The following KIF6 variants were observed in gnomAD, a reference collection of about 807,000 sequenced individuals.
The protein encoded by KIF6 is kinesin family member 6.
Under a neutral mutation model 112.7 loss-of-function variants are expected in KIF6, and 106 were observed. The observed-to-expected ratio is 0.94, with a 90% confidence interval of 0.80 to 1.11. The LOEUF is 1.11. Ranked by LOEUF, KIF6 falls within the 50% of genes least tolerant of loss-of-function variation. KIF6 has a pLI of 0.00. For synonymous variants in KIF6, 339 were observed against 339.9 expected, an observed-to-expected ratio of 1.00 and a Z score of 0.03; for missense variants, 929 against 964.0, an observed-to-expected ratio of 0.96 and a Z score of 0.48.
intron 12 of KIF6, 98 bp downstream of exon 12, chr6:39,544,457 C>G: frequency 8.0e-7 from 1 of 1,249,078 alleles, no homozygotes; most frequent in Non-Finnish European, 1.1e-6. Context: ...GAAATGGAAG[C>G]TGGGTGGGGA....
rs1369173598 is a variant in KIF6 at position 39,540,183 on chromosome 6, C to T, written c.1465G>A (p.Ala489Thr). Reference sequence around the variant, plus strand: ...CCAGCCAAGTGGAGAGCCTCCTGAGCTTTCTTCTTTTCTTTTTTTAACATG... The same window carrying T: ...CCAGCCAAGTGGAGAGCCTCCTGAGTTTTCTTCTTTTCTTTTTTTAACATG... ...VNMLKKEKKK[A>T]QEALHLAGMD... Residue 489 changes from alanine (A) to threonine (T), a missense_variant, in exon 13 of 23, where the codon GCT becomes ACT. Coordinates refer to ENST00000287152, the MANE Select transcript of KIF6 (RefSeq NM_145027.6). 1 of 1,612,522 alleles carries T rather than the reference C, an allele frequency of 6.2e-7. No homozygotes were observed.
Position 39,699,603 on chromosome 6 carries a change from A to G in KIF6, c.251+15089T>C, listed in dbSNP as rs561584397. On this transcript the variant is annotated intron_variant, in intron 3 of 22. Coordinates refer to ENST00000287152, the MANE Select transcript of KIF6 (RefSeq NM_145027.6). ...TAAACTATTGTGGAGCCCAGTGCAC[A>G]ATGAAAATGCAGGGCCCCTTGTTGA... is the stretch of plus-strand genomic sequence containing the variant. Among the ~76,000 whole-genome samples the G allele has an allele frequency of 1.0e-3, 154 of 152,318 alleles. No individual in the cohort carries two copies. In the Middle Eastern group the frequency reaches 0.017, roughly 17 times the overall value.
chr6:39,394,663 C>G (rs1374156732), intron 15 of KIF6, among the ~76,000 whole-genome samples: 1 of 152,158 alleles, frequency 6.6e-6, no homozygotes, highest in Non-Finnish European at 1.5e-5. Flanking sequence ...GAGAAAGGTC[C>G]AGCAATGGAA....
chr6:39,628,859 C>T (rs944201129), intron 5 of KIF6, among the ~76,000 whole-genome samples: 17 of 152,080 alleles, frequency 1.1e-4, no homozygotes, highest in Non-Finnish European at 2.9e-5. Flanking sequence ...CAATCTCTGA[C>T]AATCACTGAT....
chr6:39,491,186 G>A (rs1775462967), intron 13 of KIF6, among the ~76,000 whole-genome samples: 1 of 152,218 alleles, frequency 6.6e-6, no homozygotes, highest in East Asian at 1.9e-4. Context: ...CTCCTGTCTT[G>A]TTAGCTGGAA....
chr6:39,395,032 C>T (rs892928360), intron 15 of KIF6, among the ~76,000 whole-genome samples: 1 of 152,224 alleles, frequency 6.6e-6, no homozygotes, highest in African/African-American at 2.4e-5. Context: ...CTTTTCAAGA[C>T]AGCTCCTTGC....
At chr6:39,513,662 G>A (rs1356979677) in intron 13 of KIF6, among the ~76,000 whole-genome samples, 2 of 152,152 alleles carry the variant, frequency 1.3e-5, no homozygotes, top group Non-Finnish European at 2.9e-5. Flanking sequence ...ATATATTTGT[G>A]TAGTTCTTAG....
chr6:39,368,212 G>A (rs1020517530), intron 16 of KIF6, among the ~76,000 whole-genome samples: 1 of 152,182 alleles, frequency 6.6e-6, no homozygotes, highest in Non-Finnish European at 1.5e-5. Context: ...GAAACTGCCT[G>A]CATCGGGCCC....
At chr6:39,722,867 A>C (rs1790299785) in intron 1 of KIF6, among the ~76,000 whole-genome samples, 1 of 152,220 alleles carries the variant, frequency 6.6e-6, no homozygotes, top group African/African-American at 2.4e-5. Flanking sequence ...AGGATCAAAC[A>C]ATCCACTCTA....
At chr6:39,582,004 A>C (rs1781324431) in intron 9 of KIF6, among the ~76,000 whole-genome samples, 1 of 152,234 alleles carries the variant, frequency 6.6e-6, no homozygotes, top group South Asian at 2.1e-4. Context: ...ACTGAAATGT[A>C]TCGGATCATG....
chr6:39,504,127 A>G (rs1776300996), intron 13 of KIF6, among the ~76,000 whole-genome samples: 1 of 152,212 alleles, frequency 6.6e-6, no homozygotes, highest in African/African-American at 2.4e-5. Context: ...GGCAAACTGA[A>G]TCTGGCAGCA....
intron 5 of KIF6, among the ~76,000 whole-genome samples, chr6:39,632,341 T>C (rs1259649982): frequency 6.6e-6 from 1 of 152,154 alleles, no homozygotes; most frequent in African/African-American, 2.4e-5. Flanking sequence ...TTAAGCCTTG[T>C]ATAAGAATGC....
At chr6:39,536,012 C>G (rs1187169592) in intron 13 of KIF6, among the ~76,000 whole-genome samples, 1 of 151,622 alleles carries the variant, frequency 6.6e-6, no homozygotes, top group Non-Finnish European at 1.5e-5. Context: ...TCTTTGAAAC[C>G]AACAGGAACA....
At chr6:39,355,004 T>C (rs1394879734) in intron 19 of KIF6, among the ~76,000 whole-genome samples, 1 of 152,078 alleles carries the variant, frequency 6.6e-6, no homozygotes, top group Admixed American at 6.6e-5. Context: ...ATGGTGAGAC[T>C]CTTCCTCTAC....
At chr6:39,498,996 G>T (rs1775955654) in intron 13 of KIF6, among the ~76,000 whole-genome samples, 1 of 152,206 alleles carries the variant, frequency 6.6e-6, no homozygotes, top group Admixed American at 6.5e-5. Context: ...TGGAAAGAAT[G>T]AATAATAACC....
chr6:39,646,055 C>T (rs1013709425), intron 3 of KIF6, among the ~76,000 whole-genome samples: 2 of 151,478 alleles, frequency 1.3e-5, no homozygotes, highest in African/African-American at 4.9e-5. Context: ...ACCAACATGG[C>T]ACATGTATAC....
intron 3 of KIF6, among the ~76,000 whole-genome samples, chr6:39,668,471 T>G (rs184881759): frequency 6.6e-6 from 1 of 152,206 alleles, no homozygotes; most frequent in East Asian, 1.9e-4. Flanking sequence ...CCCTTAGAAG[T>G]GTCTCCCTAC....
rs138371464 is a variant in KIF6 at position 39,578,696 on chromosome 6, C to A, written c.1078-537G>T. ...ACTGGAACCCCCTATTGGTATCCCCCCTCCGTCCTTCCTGGGGTGATCACT... is the reference window on the plus strand; with the variant it reads ...ACTGGAACCCCCTATTGGTATCCCCACTCCGTCCTTCCTGGGGTGATCACT... On this transcript the variant is annotated intron_variant, in intron 9 of 22. Coordinates refer to ENST00000287152, the MANE Select transcript of KIF6 (RefSeq NM_145027.6). Among the ~76,000 whole-genome samples, 73 of 151,990 alleles carry A rather than the reference C, an allele frequency of 4.8e-4. No individual in the cohort carries two copies. In the East Asian group the frequency reaches 0.012, roughly 25 times the overall value.
chr6:39,384,925 A>G (rs1329849509), intron 16 of KIF6, among the ~76,000 whole-genome samples: 1 of 152,242 alleles, frequency 6.6e-6, no homozygotes, highest in Non-Finnish European at 1.5e-5. Context: ...ATATCAAAAA[A>G]GGGTGTTTTC....
Sources: allele counts gnomAD v4.1 joint callset (sites outside exome capture counted in the v4.1 genomes callset), GRCh38; gene constraint gnomAD v4.1.1; transcripts MANE v1.5; gene names NCBI Gene and HGNC (gene_info 2026-07-23, HGNC 2026-07-21).